PTPN23: variants seen among roughly 807,000 people sequenced by gnomAD.
PTPN23 encodes protein tyrosine phosphatase non-receptor type 23.
Under a neutral mutation model 156.3 loss-of-function variants are expected in PTPN23, and 72 were observed. The ratio of observed to expected loss-of-function variants is 0.46; its 90% CI spans 0.38 to 0.56. The LOEUF is 0.56. Ranked by LOEUF, PTPN23 falls within the 20% of genes least tolerant of loss-of-function variation. The probability of loss-of-function intolerance (pLI) is 0.00; values close to 1 mark genes in which losing one functional copy is unlikely to be tolerated. For synonymous variants in PTPN23, 957 were observed against 899.6 expected (o/e 1.06, Z -1.14); for missense variants, 1,974 against 2,171.5 (o/e 0.91, Z 1.81).
chr3:47,408,686 C>T, intron 15 of PTPN23, 90 bp from the exon 16 acceptor site: 2 of 1,489,482 alleles, frequency 1.3e-6, no homozygotes, highest in East Asian at 2.3e-5. Context: ...AAGCCCTGAC[C>T]TGAGGGGGCG....
rs1012076878 is a variant in PTPN23 at position 47,407,609 on chromosome 3, A to G, written c.1003+25A>G. ...GGTCGGGGAGCTGAGAGGTGGGGGC[A>G]GAGGTGACGGTGGGGTGGGGACAGG... On this transcript the variant is annotated intron_variant, in intron 12 of 24. Coordinates refer to ENST00000265562, the MANE Select transcript of PTPN23 (RefSeq NM_015466.4). The surrounding 1 kb of genome is among the most constrained non-coding windows in gnomAD (Gnocchi z 4.0). 3.1e-6 allele frequency: 5 copies of G among 1,607,802 alleles called. No homozygotes were observed. In the African/African-American group the frequency reaches 5.3e-5, roughly 17 times the overall value.
chr3:47,384,097 A>G (rs960088096), intron 1 of PTPN23, among the ~76,000 whole-genome samples: 2 of 147,520 alleles, frequency 1.4e-5, no homozygotes, highest in African/African-American at 5.1e-5. Flanking sequence ...ATAAGCAGAC[A>G]AGTAAGAGAC....
Position 47,411,313 on chromosome 3 carries a change from G to A in PTPN23, c.3515G>A (p.Arg1172Gln), listed in dbSNP as rs139178679. ...RDPYEHPERL[R>Q]QLQQELEAFR... is the part of the protein sequence containing the mutation. Reference sequence around the variant, plus strand: ...CCCTATGAGCATCCTGAGAGGCTGCGGCAGTTGCAGCAGGAGCTGGAGGCC... The same window carrying A: ...CCCTATGAGCATCCTGAGAGGCTGCAGCAGTTGCAGCAGGAGCTGGAGGCC... The change falls in exon 20 of 25, where the codon CGG becomes CAG. Residue 1172 changes from arginine (R) to glutamine (Q), a missense_variant. Coordinates refer to ENST00000265562, the MANE Select transcript of PTPN23 (RefSeq NM_015466.4). The surrounding 1 kb of genome is among the most constrained non-coding windows in gnomAD (Gnocchi z 6.3). 126 of 1,612,546 alleles carry A rather than the reference G, an allele frequency of 7.8e-5. 1 individual carries two copies. The highest frequency in any genetic ancestry group is 3.8e-5 in the Non-Finnish European group (45 of 1,179,982).
intron 17 of PTPN23, 21 bp from the exon 18 acceptor site, chr3:47,409,396 T>C (rs1379361023): frequency 1.1e-5 from 17 of 1,613,804 alleles, no homozygotes; most frequent in Middle Eastern, 3.3e-4. Flanking sequence ...TGTCCGTCCC[T>C]GGCCCCCACC....
chr3:47,409,347 C>T, intron 17 of PTPN23, 30 bp downstream of exon 17: 1 of 1,613,342 alleles, frequency 6.2e-7, no homozygotes, highest in Non-Finnish European at 8.5e-7. Flanking sequence ...TAGAGGGGCT[C>T]TGGCTCCGGG....
rs1235217738 is a variant in PTPN23, at chr3:47,381,162, C to G, written c.66C>G (p.Phe22Leu). ...TGAAGGAGGCCGGTGACTTTCACTT[C>G]CAGCCAGCTGTGAAGAAGGTGAGCT... The part of the protein sequence containing the change: ...LDLKEAGDFH[F>L]QPAVKKFVLK... Residue 22 changes from phenylalanine to leucine, a missense_variant, in exon 1 of 25, where the codon TTC becomes TTG. By Grantham distance (22) the Phe-to-Leu change is conservative. This residue lies in a region of PTPN23 where 726 missense variants were observed against 929.5 expected (regional missense o/e 0.78). Coordinates refer to ENST00000265562, the MANE Select transcript of PTPN23 (RefSeq NM_015466.4). The G allele has an allele frequency of 1.3e-6, 2 of 1,588,692 alleles. No individual in the cohort carries two copies. The highest frequency in any genetic ancestry group is 1.7e-4 in the Middle Eastern group (1 of 6,028).
chr3:47,400,872 CTTTTA>C (rs894787078), intron 2 of PTPN23, among the ~76,000 whole-genome samples: 77 of 151,810 alleles, frequency 5.1e-4, no homozygotes, highest in African/African-American at 1.6e-3. Context: ...CAGCACCCGG[CTTTTA>C]TTTTATTTTA....
In PTPN23 at chr3:47,413,418, A is replaced by AAACC. The variant is rs1705386004; in HGVS notation, c.*235_*238dup. On this transcript the variant is annotated 3_prime_UTR_variant, in exon 25 of 25. Transcript: ENST00000265562. The stretch of plus-strand genomic sequence containing the variant: ...TTCAGCTCTTTGCTATTGAAATAAT[A>AAACC]AACCACCCTGTTCTGTGGCCCGTGT... The AAACC allele has an allele frequency of 6.8e-6, 4 of 587,880 alleles. No homozygotes were observed. The South Asian group carries it at 1.0e-4, about 15-fold the overall frequency. The allele number at this position is 587,880 out of a possible 1,614,324, so 36.4% of individuals were successfully genotyped here. A position where few individuals can be genotyped will look rare whatever the true frequency, so the allele number is the denominator to read the frequency against.
At chr3:47,404,612 C>T (rs747739960) in intron 2 of PTPN23, 40 bp from the exon 3 acceptor site, 2 of 1,608,600 alleles carry the variant, frequency 1.2e-6, no homozygotes, top group Middle Eastern at 1.7e-4. Flanking sequence ...TCCACTGCCC[C>T]ATATGACAAC....
At chr3:47,391,689 G>GT (rs1704776266) in intron 1 of PTPN23, among the ~76,000 whole-genome samples, 1 of 152,136 alleles carries the variant, frequency 6.6e-6, no homozygotes, top group Non-Finnish European at 1.5e-5. Flanking sequence ...GGGAAGCCTT[G>GT]TTTCTAGGAT....
Position 47,411,075 on chromosome 3 carries a change from G to A in PTPN23, c.3277G>A (p.Gly1093Arg). The part of the protein sequence containing the change: ...HLVPSPAPSP[G>R]PGPVPPRPPA... ...GGTGCCTTCACCTGCCCCATCTCCA[G>A]GGCCTGGTCCGGTACCCCCTCGCCC... Residue 1093 changes from glycine to arginine, a missense_variant, in exon 20 of 25, where the codon GGG becomes AGG. Coordinates refer to ENST00000265562, the MANE Select transcript of PTPN23 (RefSeq NM_015466.4). The surrounding 1 kb of genome is among the most constrained non-coding windows in gnomAD (Gnocchi z 6.3). 1 of 1,587,376 alleles carries A rather than the reference G, an allele frequency of 6.3e-7. No homozygotes were observed. Among genetic ancestry groups the A allele is most frequent in the Non-Finnish European group, 8.6e-7 (1 of 1,168,086 alleles).
At position 47,411,631 on chromosome 3, in the gene PTPN23, A is replaced by G. The variant is rs868167591; in HGVS notation, c.3833A>G (p.His1278Arg). ...GCTGCTGACTTCTGGCTCATGGTCC[A>G]TGAGCAGAAAGTGTCAGTCATTGTC... ...GTAADFWLMV[H>R]EQKVSVIVML... Residue 1278 changes from histidine (H) to arginine (R), a missense_variant, in exon 20 of 25, where the codon CAT (histidine) becomes CGT (arginine). Coordinates refer to ENST00000265562, the MANE Select transcript of PTPN23 (RefSeq NM_015466.4). The surrounding 1 kb of genome is among the most constrained non-coding windows in gnomAD (Gnocchi z 6.3). The G allele has an allele frequency of 1.2e-6, 2 of 1,611,148 alleles. No individual in the cohort carries two copies. The highest frequency in any genetic ancestry group is 1.7e-5 in the Admixed American group (1 of 59,988).
intron 1 of PTPN23, among the ~76,000 whole-genome samples, chr3:47,385,318 C>T (rs777767807): frequency 2.4e-4 from 36 of 152,302 alleles, no homozygotes; most frequent in Admixed American, 9.2e-4. Context: ...ATCCCTGATT[C>T]ATTCATTGAA....
At chr3:47,396,925 G>A (rs1303307692) in intron 2 of PTPN23, among the ~76,000 whole-genome samples, 1 of 152,160 alleles carries the variant, frequency 6.6e-6, no homozygotes, top group African/African-American at 2.4e-5. Flanking sequence ...GTGAGACCCT[G>A]ACTGTTTAGA....
rs973752393 is a variant in PTPN23, at chr3:47,405,354, T to C, written c.364+273T>C. The C allele has an allele frequency of 9.2e-6, 5 of 545,662 alleles. No homozygotes were observed. The African/African-American group carries it at 9.5e-5, about 10-fold the overall frequency. The allele number at this position is 545,662 out of a possible 1,614,324, so 33.8% of individuals were successfully genotyped here. ...TCTGGGAGAGAGGGCCTTTCTTCTT[T>C]GACTGGACAGCCCCTCCCCACTGTG... On this transcript the variant is annotated intron_variant, in intron 4 of 24. Coordinates refer to ENST00000265562, the MANE Select transcript of PTPN23 (RefSeq NM_015466.4). The surrounding 1 kb of genome is among the most constrained non-coding windows in gnomAD (Gnocchi z 4.7).
chr3:47,412,661 C>G (rs970124714), intron 24 of PTPN23, 34 bp downstream of exon 24: 1 of 1,605,418 alleles, frequency 6.2e-7, no homozygotes, highest in Non-Finnish European at 8.5e-7. Flanking sequence ...GCTGGGAGAG[C>G]CACAGCCTTG....
At chr3:47,392,983 G>A (rs771410727) in intron 1 of PTPN23, among the ~76,000 whole-genome samples, 3 of 151,940 alleles carry the variant, frequency 2.0e-5, no homozygotes, top group South Asian at 2.1e-4. Flanking sequence ...ACAGATGTGC[G>A]CTGCACCTGG....
Position 47,408,980 on chromosome 3 carries a change from A to T in PTPN23, c.1535A>T (p.Asn512Ile). Residue 512 changes from asparagine (N) to isoleucine (I), a missense_variant, in exon 16 of 25, where the codon AAC (asparagine) becomes ATC (isoleucine). This residue lies in a region of PTPN23 where 726 missense variants were observed against 929.5 expected (regional missense o/e 0.78). Coordinates refer to ENST00000265562, the MANE Select transcript of PTPN23 (RefSeq NM_015466.4). Reference protein sequence around the residue: ...MEVHEKASFTNSELHRAMNLH... With the variant: ...MEVHEKASFTISELHRAMNLH... ...GTCCATGAGAAGGCCTCCTTCACCA[A>T]CAGTGAGCTGCACCGTGCCATGAAC... 1 of 1,614,180 alleles carries T rather than the reference A, an allele frequency of 6.2e-7. No individual in the cohort carries two copies. The highest frequency in any genetic ancestry group is 8.5e-7 in the Non-Finnish European group (1 of 1,180,026).
chr3:47,413,085 A>ACTTTC lies in PTPN23; in HGVS notation c.4812_4816dup (p.Leu1606ProfsTer109). 1 of 1,612,860 alleles carries ACTTTC rather than the reference A, an allele frequency of 6.2e-7. No individual in the cohort carries two copies. The highest frequency in any genetic ancestry group is 8.5e-7 in the Non-Finnish European group (1 of 1,180,020). On this transcript the variant is annotated frameshift_variant, in exon 25 of 25. Transcript: ENST00000265562. LOFTEE classifies it high-confidence loss of function. ...GGCAAACAGCGGATGAGCAAGCATAACTTTCTGCAGGCCCATAACGGGCAA... is the reference window on the plus strand; with the variant it reads ...GGCAAACAGCGGATGAGCAAGCATAACTTTCCTTTCTGCAGGCCCATAACGGGCAA...
Sources: gnomAD v4.1 joint callset for allele counts (sites outside exome capture counted in the v4.1 genomes callset) on GRCh38, gnomAD v4.1.1 for gene constraint, gnomAD v4.1.1 regional missense constraint, Gnocchi (gnomAD v3.1) non-coding constraint, MANE v1.5 for transcripts, NCBI Gene and HGNC (gene_info 2026-07-23, HGNC 2026-07-21) for gene names.